The following MPHOSPH9 variants were observed in gnomAD, a reference collection of about 807,000 sequenced individuals.
The protein encoded by MPHOSPH9 is M-phase phosphoprotein 9.
MPHOSPH9 carries 88 observed loss-of-function variants against 145.5 expected under a neutral mutation model. The ratio of observed to expected loss-of-function variants is 0.60; its 90% CI spans 0.51 to 0.72. MPHOSPH9 has a LOEUF of 0.72. MPHOSPH9 is among the 30% of genes least tolerant of loss of function. The pLI, the probability that MPHOSPH9 is intolerant of heterozygous loss-of-function variation, is 0.00. For missense variants in MPHOSPH9, 1,238 were observed against 1,386.6 expected, an observed-to-expected ratio of 0.89 and a Z score of 1.70; for synonymous variants, 435 against 486.2, an observed-to-expected ratio of 0.89 and a Z score of 1.39.
intron 16 of MPHOSPH9, among the ~76,000 whole-genome samples, chr12:123,169,490 C>T (rs1317904569): frequency 1.3e-5 from 2 of 149,814 alleles, no homozygotes; most frequent in African/African-American, 2.5e-5. Flanking sequence ...CAGAGCGAGA[C>T]TCCGTCTTAA....
chr12:123,211,357 G>A (rs1385743958), intron 7 of MPHOSPH9, among the ~76,000 whole-genome samples: 1 of 152,110 alleles, frequency 6.6e-6, no homozygotes, highest in African/African-American at 2.4e-5. Flanking sequence ...CTGATCTCAA[G>A]TGATCCTCCC....
At chr12:123,207,969 T>C (rs184042183) in intron 8 of MPHOSPH9, among the ~76,000 whole-genome samples, 7 of 152,046 alleles carry the variant, frequency 4.6e-5, no homozygotes, top group Admixed American at 4.6e-4. Context: ...GCCAGCGCAG[T>C]GGCTCACGCC....
At position 123,211,413 on chromosome 12, in the gene MPHOSPH9, G is replaced by A. The variant is rs915212199; in HGVS notation, c.1088-1251C>T. ...TGGGATTATAGGCATGGGCCACTGC[G>A]CCCAGCCCAGCTCACTGGAGTCTCA... On this transcript the variant is annotated intron_variant, in intron 7 of 23. Transcript: ENST00000606320. Among the ~76,000 whole-genome samples, 5 of 152,064 alleles carry A rather than the reference G, an allele frequency of 3.3e-5. No homozygotes were observed. In the South Asian group the frequency reaches 8.3e-4, roughly 25 times the overall value.
At chr12:123,175,900 A>ATTTAT (rs2044839704) in intron 16 of MPHOSPH9, among the ~76,000 whole-genome samples, 1 of 151,308 alleles carries the variant, frequency 6.6e-6, no homozygotes. Flanking sequence ...TTCTCTTACA[A>ATTTAT]TTTATTTTAT....
intron 12 of MPHOSPH9, among the ~76,000 whole-genome samples, chr12:123,197,747 A>C (rs2046030629): frequency 1.3e-5 from 2 of 149,472 alleles, no homozygotes; most frequent in Non-Finnish European, 3.0e-5. Flanking sequence ...GCGCAACTGC[A>C]CTACAGCCTG....
chr12:123,160,906 G>T, intron 22 of MPHOSPH9, 57 bp from the exon 23 acceptor site: 1 of 1,553,172 alleles, frequency 6.4e-7, no homozygotes, highest in Non-Finnish European at 8.8e-7. Context: ...TTATCACACA[G>T]AATGGAAAGA....
chr12:123,229,902 A>C (rs1242959100), intron 2 of MPHOSPH9: 3 of 149,982 alleles, frequency 2.0e-5, no homozygotes, highest in African/African-American at 7.4e-5. Flanking sequence ...GCTCATTGCA[A>C]CCTCTGCCTC....
upstream of MPHOSPH9, among the ~76,000 whole-genome samples, chr12:123,234,396 TGGGGGAGG>T (rs2047799059): frequency 9.8e-6 from 1 of 102,274 alleles, no homozygotes; most frequent in African/African-American, 3.8e-5. Context: ...TTTATTTTTG[TGGGGGAGG>T]GGGGTAGGGG....
In MPHOSPH9 at chr12:123,223,128, C is replaced by A; in HGVS notation, c.259-1G>T. 1 of 1,375,414 alleles carries A rather than the reference C, an allele frequency of 7.3e-7. No homozygotes were observed. Among genetic ancestry groups the A allele is most frequent in the Non-Finnish European group, 9.4e-7 (1 of 1,067,008 alleles). The allele number at this position is 1,375,414 out of a possible 1,614,324, so 85.2% of individuals were successfully genotyped here. On this transcript the variant is annotated splice_acceptor_variant, in intron 3 of 23. Coordinates refer to ENST00000606320, the MANE Select transcript of MPHOSPH9 (RefSeq NM_022782.4). LOFTEE classifies it high-confidence loss of function. ...AATTGAATAGCTGTAACCACCTGGT[C>A]TATTAAATTATAAAATATTTTAGTT...
At chr12:123,203,868 G>A (rs2046316786) in intron 8 of MPHOSPH9, among the ~76,000 whole-genome samples, 3 of 151,064 alleles carry the variant, frequency 2.0e-5, no homozygotes, top group African/African-American at 4.9e-5. Context: ...ATTTTTTTTT[G>A]TAGAGACAGG....
intron 11 of MPHOSPH9, among the ~76,000 whole-genome samples, chr12:123,199,896 A>G (rs1593170401): frequency 2.0e-5 from 3 of 152,200 alleles, no homozygotes; most frequent in African/African-American, 7.2e-5. Flanking sequence ...ACAGATTGTA[A>G]GCAGTCACAC....
rs147637276 is a variant in MPHOSPH9 at position 123,224,110 on chromosome 12, T to TTATATATATATATATATATATATA, written c.259-984_259-983insTATATATATATATATATATATATA. Among the ~76,000 whole-genome samples the TTATATATATATATATATATATATA allele has an allele frequency of 6.8e-3, 812 of 120,050 alleles. 8 individuals are homozygous for TTATATATATATATATATATATATA. Among genetic ancestry groups the TTATATATATATATATATATATATA allele is most frequent in the Non-Finnish European group, 0.01 (643 of 61,508 alleles). 78.8% of individuals were successfully genotyped at this position (120,050 alleles called of 152,430 possible). A position where few individuals can be genotyped will look rare whatever the true frequency, so the allele number is the denominator to read the frequency against. On this transcript the variant is annotated intron_variant, in intron 3 of 23. Coordinates refer to ENST00000606320, the MANE Select transcript of MPHOSPH9 (RefSeq NM_022782.4). ...TCACCATGTTCGGCTAATTGCTAAT[T>TTATATATATATATATATATATATA]TATATATATATATATACACATTTTT... is the stretch of plus-strand genomic sequence containing the variant.
At chr12:123,181,141 A>G (rs749616598) in intron 14 of MPHOSPH9, 22 bp downstream of exon 14, 4 of 1,592,700 alleles carry the variant, frequency 2.5e-6, no homozygotes, top group African/African-American at 1.3e-5. Context: ...TGAAATCTAG[A>G]ACATGAACCA....
At position 123,221,475 on chromosome 12, in the gene MPHOSPH9, G is replaced by T; in HGVS notation, c.769C>A (p.His257Asn). 1 of 1,613,818 alleles carries T rather than the reference G, an allele frequency of 6.2e-7. No homozygotes were observed. Among genetic ancestry groups the T allele is most frequent in the South Asian group, 1.1e-5 (1 of 91,022 alleles). ...GATACATCTTCCTTTAAAGACACATGACACTCTTCAGGAGTCTGTATATAA... is the reference window on the plus strand; with the variant it reads ...GATACATCTTCCTTTAAAGACACATTACACTCTTCAGGAGTCTGTATATAA... ...NFYIQTPEECHVSLKEDVSIS... is the reference protein window; with the variant it reads ...NFYIQTPEECNVSLKEDVSIS... Residue 257 changes from histidine (H) to asparagine (N), a missense_variant, in exon 5 of 24, where the codon CAT (histidine) becomes AAT (asparagine). Transcript: ENST00000606320.
At position 123,160,674 on chromosome 12, in the gene MPHOSPH9, A is replaced by T. The variant is rs2044067618; in HGVS notation, c.3450+107T>A. On this transcript the variant is annotated intron_variant, in intron 23 of 23. Transcript: ENST00000606320. ...AGCTAAAAGTTTTGACTGCTGCTTC[A>T]GTGTGTCTAATTTTCACTGTGCCAT... 3.1e-6 allele frequency: 3 copies of T among 973,012 alleles called. No individual in the cohort carries two copies. In the East Asian group the frequency reaches 7.8e-5, roughly 25 times the overall value. The allele number at this position is 973,012 out of a possible 1,614,324, so 60.3% of individuals were successfully genotyped here. A position where few individuals can be genotyped will look rare whatever the true frequency, so the allele number is the denominator to read the frequency against.
At chr12:123,163,482 A>T in intron 19 of MPHOSPH9, 1 of 218,808 alleles carries the variant, frequency 4.6e-6, no homozygotes, top group Non-Finnish European at 8.9e-6. Flanking sequence ...GAAAACGGAA[A>T]TTCAGGACAG....
chr12:123,223,409 G>A (rs776053397), intron 3 of MPHOSPH9, among the ~76,000 whole-genome samples: 12 of 152,126 alleles, frequency 7.9e-5, no homozygotes, highest in East Asian at 7.7e-4. Flanking sequence ...AACTGCCTGC[G>A]TAAAGCCTTT....
At chr12:123,162,722 G>A (rs762095055) in intron 20 of MPHOSPH9, 31 of 281,754 alleles carry the variant, frequency 1.1e-4, no homozygotes, top group African/African-American at 2.2e-4. Flanking sequence ...AAGTTTTCCC[G>A]TATCATAAAC....
intron 13 of MPHOSPH9, among the ~76,000 whole-genome samples, chr12:123,187,260 C>T (rs561080639): frequency 1.4e-5 from 2 of 146,278 alleles, no homozygotes; most frequent in East Asian, 3.9e-4. Context: ...AACTCTGTCT[C>T]AAAAAAAAAG....
Sources: gnomAD v4.1 joint callset for allele counts (sites outside exome capture counted in the v4.1 genomes callset) on GRCh38, gnomAD v4.1.1 for gene constraint, MANE v1.5 for transcripts, NCBI Gene and HGNC (gene_info 2026-07-23, HGNC 2026-07-21) for gene names.